The following NKAIN2 variants were observed in gnomAD, a reference collection of about 807,000 sequenced individuals.
The protein encoded by NKAIN2 is sodium/potassium-transporting ATPase subunit beta-1-interacting protein 2.
NKAIN2 carries 14 observed loss-of-function variants against 32.6 expected under a neutral mutation model. The ratio of observed to expected loss-of-function variants is 0.43; its 90% CI spans 0.28 to 0.67. The LOEUF (loss-of-function observed/expected upper bound fraction) is 0.67. NKAIN2 is among the 30% of genes least tolerant of loss of function. The pLI is 0.17. For missense variants in NKAIN2, 198 were observed against 258.3 expected, an observed-to-expected ratio of 0.77 and a Z score of 1.60; for synonymous variants, 80 against 87.2, an observed-to-expected ratio of 0.92 and a Z score of 0.46.
At chr6:123,990,643 A>G (rs1779373310) in intron 1 of NKAIN2, among the ~76,000 whole-genome samples, 1 of 152,176 alleles carries the variant, frequency 6.6e-6, no homozygotes, top group African/African-American at 2.4e-5. Flanking sequence ...CTCATTAATC[A>G]TCTGAAACAT....
chr6:123,968,996 TC>T (rs1205170097), intron 1 of NKAIN2, among the ~76,000 whole-genome samples: 1 of 152,048 alleles, frequency 6.6e-6, no homozygotes, highest in Non-Finnish European at 1.5e-5. Context: ...GTTTCCTCCT[TC>T]CCCCCAGCTC....
At chr6:124,055,799 G>T (rs1335525825) in intron 1 of NKAIN2, among the ~76,000 whole-genome samples, 2 of 151,944 alleles carry the variant, frequency 1.3e-5, no homozygotes, top group African/African-American at 2.4e-5. Flanking sequence ...TGCATTATTT[G>T]TATGTATTTT....
chr6:124,773,213 C>G (rs1778837991), intron 4 of NKAIN2, among the ~76,000 whole-genome samples: 1 of 152,022 alleles, frequency 6.6e-6, no homozygotes, highest in Non-Finnish European at 1.5e-5. Flanking sequence ...AAAGTGGAAG[C>G]CTAATCGCTC....
At chr6:124,625,389 C>T (rs115724063) in intron 3 of NKAIN2, among the ~76,000 whole-genome samples, 176 of 152,226 alleles carry the variant, frequency 1.2e-3, no homozygotes, top group African/African-American at 4.0e-3. Flanking sequence ...GAGGAGATGC[C>T]GCTCTTCACT....
At chr6:123,931,488 G>A (rs1776251870) in intron 1 of NKAIN2, among the ~76,000 whole-genome samples, 1 of 152,108 alleles carries the variant, frequency 6.6e-6, no homozygotes. Flanking sequence ...CAGTGGAACT[G>A]TAAGTATATC....
chr6:124,796,674 A>G (rs929930167), intron 5 of NKAIN2, among the ~76,000 whole-genome samples: 15 of 152,176 alleles, frequency 9.9e-5, no homozygotes, highest in Non-Finnish European at 1.5e-4. Flanking sequence ...GCTTCTCACC[A>G]GGATAAAAGC....
intron 3 of NKAIN2, among the ~76,000 whole-genome samples, chr6:124,389,536 G>T (rs1773050853): frequency 6.6e-6 from 1 of 152,052 alleles, no homozygotes; most frequent in Non-Finnish European, 1.5e-5. Context: ...TGTTAGCAAG[G>T]ATTCTTTTTC....
intron 3 of NKAIN2, among the ~76,000 whole-genome samples, chr6:124,639,855 G>A (rs149854014): frequency 2.6e-4 from 39 of 152,126 alleles, no homozygotes; most frequent in Admixed American, 1.3e-3. Flanking sequence ...ATAGGGAGAG[G>A]TTGGTTAATG....
chr6:124,571,619 G>A lies in NKAIN2; in HGVS notation c.274-86567G>A, dbSNP rs147346597. ...ATGATTCTGATGCCTCCTCAGCCACGTGGAACTGTAAGCCCAGTTAACCCT... is the reference window on the plus strand; with the variant it reads ...ATGATTCTGATGCCTCCTCAGCCACATGGAACTGTAAGCCCAGTTAACCCT... On this transcript the variant is annotated intron_variant, in intron 3 of 6. Transcript: ENST00000368417. 2.8e-3 allele frequency among the ~76,000 whole-genome samples: 433 copies of A among 152,202 alleles called. 1 individual carries two copies. Among genetic ancestry groups the A allele is most frequent in the African/African-American group, 9.7e-3 (403 of 41,532 alleles).
chr6:124,222,339 C>G (rs967550913), intron 1 of NKAIN2, among the ~76,000 whole-genome samples: 3 of 151,944 alleles, frequency 2.0e-5, no homozygotes, highest in Non-Finnish European at 4.4e-5. Flanking sequence ...GAAGAACTAA[C>G]CAAATTAAAT....
intron 3 of NKAIN2, among the ~76,000 whole-genome samples, chr6:124,635,160 G>A (rs1201375719): frequency 1.3e-5 from 2 of 151,734 alleles, no homozygotes; most frequent in African/African-American, 4.8e-5. Flanking sequence ...AGAATTGAAG[G>A]TTAAAGTTTT....
intron 4 of NKAIN2, among the ~76,000 whole-genome samples, chr6:124,747,165 A>T (rs1777487177): frequency 1.3e-5 from 2 of 151,898 alleles, no homozygotes; most frequent in African/African-American, 4.8e-5. Context: ...GGACACAGTC[A>T]CCCAAGCTGA....
chr6:124,342,622 C>G (rs1027523010), intron 2 of NKAIN2, among the ~76,000 whole-genome samples: 14 of 151,746 alleles, frequency 9.2e-5, no homozygotes, highest in African/African-American at 3.4e-4. Context: ...ATCTTCCCAC[C>G]TCAGCCTCCT....
At chr6:124,552,583 A>T (rs2114870678) in intron 3 of NKAIN2, among the ~76,000 whole-genome samples, 1 of 152,304 alleles carries the variant, frequency 6.6e-6, no homozygotes, top group South Asian at 2.1e-4. Flanking sequence ...AACTCTCCCA[A>T]AAGGTTAAAT....
chr6:123,879,223 A>ACTT (rs1257331564), intron 1 of NKAIN2, among the ~76,000 whole-genome samples: 5 of 152,316 alleles, frequency 3.3e-5, no homozygotes, highest in Non-Finnish European at 5.9e-5. Context: ...ATCAAATGGA[A>ACTT]CTTGATATAA....
At chr6:124,071,134 AAG>A (rs1783444080) in intron 1 of NKAIN2, among the ~76,000 whole-genome samples, 2 of 152,050 alleles carry the variant, frequency 1.3e-5, no homozygotes, top group Admixed American at 1.3e-4. Context: ...AATGGAACAA[AAG>A]AGAGAACCCA....
intron 4 of NKAIN2, among the ~76,000 whole-genome samples, chr6:124,686,165 C>T (rs951116294): frequency 1.2e-4 from 19 of 152,162 alleles, no homozygotes; most frequent in African/African-American, 4.6e-4. Flanking sequence ...GACTTCCTAA[C>T]ATAGGCAGTC....
At chr6:124,365,442 A>T (rs1227511311) in intron 3 of NKAIN2, among the ~76,000 whole-genome samples, 11 of 151,944 alleles carry the variant, frequency 7.2e-5, no homozygotes, top group African/African-American at 2.2e-4. Flanking sequence ...CTAAAGATAA[A>T]GGGGGAAATG....
At chr6:124,752,462 T>C (rs1242658332) in intron 4 of NKAIN2, among the ~76,000 whole-genome samples, 1 of 152,074 alleles carries the variant, frequency 6.6e-6, no homozygotes, top group Non-Finnish European at 1.5e-5. Flanking sequence ...TTCTTCCTTC[T>C]TACTCCTATC....
Sources: allele counts gnomAD v4.1 joint callset (sites outside exome capture counted in the v4.1 genomes callset), GRCh38; gene constraint gnomAD v4.1.1; transcripts MANE v1.5; gene names NCBI Gene and HGNC (gene_info 2026-07-23, HGNC 2026-07-21).